CSMD1: variants seen among roughly 807,000 people sequenced by gnomAD.
CSMD1 encodes the protein CUB and sushi domain-containing protein 1.
CSMD1 carries 213 observed loss-of-function variants against 417.5 expected under a neutral mutation model. That is an observed-to-expected ratio of 0.51 (90% CI 0.46 to 0.57). The LOEUF (loss-of-function observed/expected upper bound fraction) is 0.57, where lower values mean the gene tolerates loss of function less well. CSMD1 is among the 20% of genes least tolerant of loss of function. The probability of loss-of-function intolerance (pLI) is 0.00; values close to 1 mark genes in which losing one functional copy is unlikely to be tolerated. For missense variants in CSMD1, 6,923 were observed against 4,529.7 expected (o/e 1.53, Z -15.17); for synonymous variants, 2,862 against 1,736.8 (o/e 1.65, Z -16.11).
intron 2 of CSMD1, among the ~76,000 whole-genome samples, chr8:4,491,436 G>A (rs1195918211): frequency 5.3e-5 from 8 of 152,030 alleles, no homozygotes; most frequent in Non-Finnish European, 1.0e-4. Flanking sequence ...GATAAGGTCA[G>A]CAAAACTGCC....
At chr8:4,964,018 A>G (rs1809686184) in intron 1 of CSMD1, among the ~76,000 whole-genome samples, 1 of 151,926 alleles carries the variant, frequency 6.6e-6, no homozygotes, top group Non-Finnish European at 1.5e-5. Flanking sequence ...TGTGAAGAAC[A>G]TATAAAATTT....
At chr8:3,447,790 G>T (rs77630988) in intron 12 of CSMD1, among the ~76,000 whole-genome samples, 8,476 of 152,212 alleles carry the variant, frequency 0.056, 295 homozygotes, top group East Asian at 0.16. Flanking sequence ...GTGGATGGAG[G>T]GTGCAGAATT....
chr8:3,463,745 G>C (rs551693656), intron 12 of CSMD1, among the ~76,000 whole-genome samples: 47 of 152,136 alleles, frequency 3.1e-4, no homozygotes, highest in Admixed American at 4.6e-4. Flanking sequence ...GTACAACCAC[G>C]CAAGACGAGA....
chr8:3,246,697 C>G (rs1409648041), intron 26 of CSMD1, among the ~76,000 whole-genome samples: 1 of 152,200 alleles, frequency 6.6e-6, no homozygotes, highest in African/African-American at 2.4e-5. Context: ...GCCTCGAACT[C>G]CTGACCTCAG....
intron 7 of CSMD1, among the ~76,000 whole-genome samples, chr8:3,668,437 G>A (rs1049509324): frequency 6.6e-6 from 1 of 152,190 alleles, no homozygotes; most frequent in African/African-American, 2.4e-5. Context: ...AAGCTGAAGA[G>A]ATGAGGGTTT....
In CSMD1 at chr8:3,805,112, A is replaced by T. The variant is rs2720879; in HGVS notation, c.819-51070T>A. Among the ~76,000 whole-genome samples, 339 of 152,282 alleles carry T rather than the reference A, an allele frequency of 2.2e-3. 2 individuals are homozygous for T. Among genetic ancestry groups the T allele is most frequent in the African/African-American group, 8.0e-3 (331 of 41,568 alleles). On this transcript the variant is annotated intron_variant, in intron 5 of 69. Transcript: ENST00000635120. ...CGGGAACCCCACTGTTATGAATGGG[A>T]AGGGGTCTAGAATTGCCTCAGATTC...
At chr8:4,726,354 T>A (rs1809445077) in intron 1 of CSMD1, among the ~76,000 whole-genome samples, 1 of 152,168 alleles carries the variant, frequency 6.6e-6, no homozygotes, top group Non-Finnish European at 1.5e-5. Context: ...GAAAGATAGT[T>A]ATTATCACCA....
chr8:3,562,435 C>T lies in CSMD1; in HGVS notation c.1344+12510G>A, dbSNP rs11136642. Among the ~76,000 whole-genome samples the T allele has an allele frequency of 1.1e-3, 139 of 121,172 alleles. 1 individual carries two copies. The highest frequency in any genetic ancestry group is 3.3e-3 in the African/African-American group (131 of 39,256). The allele number at this position is 121,172 out of a possible 152,430, so 79.5% of individuals were successfully genotyped here. A position where few individuals can be genotyped will look rare whatever the true frequency, so the allele number is the denominator to read the frequency against. ...ATGCACAAACACACATGCACACACA[C>T]GTGCACATACACATACTCACAGCAT... On this transcript the variant is annotated intron_variant, in intron 10 of 69. Transcript: ENST00000635120.
chr8:4,149,234 G>T (rs1358368532), intron 3 of CSMD1, among the ~76,000 whole-genome samples: 1 of 152,072 alleles, frequency 6.6e-6, no homozygotes, highest in African/African-American at 2.4e-5. Context: ...AAACTGCTGA[G>T]ATAACAGGCA....
At chr8:3,460,597 G>A (rs551386611) in intron 12 of CSMD1, among the ~76,000 whole-genome samples, 2 of 152,202 alleles carry the variant, frequency 1.3e-5, no homozygotes, top group East Asian at 3.9e-4. Flanking sequence ...GCCGACTAAG[G>A]GTAAGAGAAT....
chr8:4,158,184 C>G (rs191857408), intron 3 of CSMD1, among the ~76,000 whole-genome samples: 128 of 151,880 alleles, frequency 8.4e-4, no homozygotes, highest in African/African-American at 2.9e-3. Context: ...TGAAGTCTCT[C>G]CTTTCCTAAG....
intron 3 of CSMD1, among the ~76,000 whole-genome samples, chr8:4,182,278 T>C (rs1429232100): frequency 1.3e-5 from 2 of 152,116 alleles, no homozygotes; most frequent in African/African-American, 4.8e-5. Flanking sequence ...GCATGATTTG[T>C]TTAAAAGAGG....
In CSMD1 at chr8:4,743,494, GTACCATGAACC is replaced by G. The variant is rs576704943; in HGVS notation, c.86-105947_86-105937del. Among the ~76,000 whole-genome samples, 124 of 152,266 alleles carry G rather than the reference GTACCATGAACC, an allele frequency of 8.1e-4. 1 individual carries two copies. The highest frequency in any genetic ancestry group is 2.9e-3 in the African/African-American group (122 of 41,546). On this transcript the variant is annotated intron_variant, in intron 1 of 69. Transcript: ENST00000635120. ...CCGGTCAGAAACACCGGAGCGTCAA[GTACCATGAACC>G]TCCTGCTTTGAGTTCATGATGTTCT...
chr8:4,051,019 G>A (rs761026282), intron 3 of CSMD1, among the ~76,000 whole-genome samples: 7 of 152,072 alleles, frequency 4.6e-5, no homozygotes, highest in Non-Finnish European at 8.8e-5. Context: ...GAAGGAGCCA[G>A]AAAACCCACC....
intron 3 of CSMD1, among the ~76,000 whole-genome samples, chr8:4,371,360 A>T (rs1169551228): frequency 6.6e-6 from 1 of 152,070 alleles, no homozygotes; most frequent in African/African-American, 2.4e-5. Context: ...CAGGGTTTTG[A>T]GAGAAACTTC....
rs749100033 is a variant in CSMD1 at position 4,264,294 on chromosome 8, G to A, written c.415+155659C>T. 4.6e-5 allele frequency among the ~76,000 whole-genome samples: 7 copies of A among 152,238 alleles called. No homozygotes were observed. In the East Asian group the frequency reaches 7.7e-4, roughly 17 times the overall value. On this transcript the variant is annotated intron_variant, in intron 3 of 69. Coordinates refer to ENST00000635120, the MANE Select transcript of CSMD1 (RefSeq NM_033225.6). The stretch of plus-strand genomic sequence containing the variant: ...TTGCTATAGTAACACATTATTGTAC[G>A]TAGAATTTCAAAAAGCATGACATTC...
chr8:3,557,037 G>A (rs1482188547), intron 10 of CSMD1, among the ~76,000 whole-genome samples: 2 of 152,188 alleles, frequency 1.3e-5, no homozygotes, highest in Non-Finnish European at 2.9e-5. Flanking sequence ...AAACTGCAGG[G>A]TAATGGCACT....
intron 31 of CSMD1, among the ~76,000 whole-genome samples, chr8:3,203,669 G>A (rs1040073747): frequency 6.6e-6 from 1 of 152,144 alleles, no homozygotes; most frequent in Non-Finnish European, 1.5e-5. Context: ...GATCTCAAAG[G>A]CCACCCTGAA....
chr8:3,480,799 A>G (rs1585227873), intron 11 of CSMD1, among the ~76,000 whole-genome samples: 1 of 152,168 alleles, frequency 6.6e-6, no homozygotes, highest in Admixed American at 6.5e-5. Flanking sequence ...CAGTGAATCT[A>G]TCCTTCAGAA....
Sources: allele counts gnomAD v4.1 joint callset (sites outside exome capture counted in the v4.1 genomes callset), GRCh38; gene constraint gnomAD v4.1.1; transcripts MANE v1.5; gene names NCBI Gene and HGNC (gene_info 2026-07-23, HGNC 2026-07-21).